The following LARGE1 variants were observed in gnomAD, a reference collection of about 807,000 sequenced individuals.
The protein encoded by LARGE1 is xylosyl- and glucuronyltransferase LARGE1.
LARGE1 carries 43 observed loss-of-function variants against 87.6 expected under a neutral mutation model. The ratio of observed to expected loss-of-function variants is 0.49; its 90% CI spans 0.38 to 0.63. LARGE1 has a LOEUF of 0.63. LARGE1 is among the 30% of genes least tolerant of loss of function. LARGE1 has a pLI of 0.00. For synonymous variants in LARGE1, 434 were observed against 394.6 expected, an observed-to-expected ratio of 1.10 and a Z score of -1.18; for missense variants, 802 against 1,000.2, an observed-to-expected ratio of 0.80 and a Z score of 2.67.
intron 2 of LARGE1, among the ~76,000 whole-genome samples, chr22:33,678,473 A>G (rs1483186497): frequency 6.6e-6 from 1 of 152,214 alleles, no homozygotes; most frequent in Non-Finnish European, 1.5e-5. Flanking sequence ...GGTGACTGAC[A>G]TCGCAAAGAA....
At chr22:33,585,071 C>T (rs1302456685) in intron 5 of LARGE1, among the ~76,000 whole-genome samples, 3 of 152,092 alleles carry the variant, frequency 2.0e-5, no homozygotes, top group African/African-American at 2.4e-5. Context: ...GAGCCGAGAT[C>T]GCACCACTGC....
At chr22:33,406,341 A>C (rs959429840) in intron 7 of LARGE1, among the ~76,000 whole-genome samples, 10 of 151,760 alleles carry the variant, frequency 6.6e-5, no homozygotes, top group African/African-American at 2.4e-4. Flanking sequence ...ATCCCTTGAG[A>C]TCCGACCCAC....
the LARGE1 span, among the ~76,000 whole-genome samples, chr22:33,130,820 C>T: frequency 6.6e-6 from 1 of 151,822 alleles, no homozygotes; most frequent in Non-Finnish European, 1.5e-5. Flanking sequence ...CCGAGGCAGG[C>T]AGATTACGAG....
intron 1 of LARGE1, among the ~76,000 whole-genome samples, chr22:33,904,504 C>T (rs566960781): frequency 6.6e-6 from 1 of 152,242 alleles, no homozygotes; most frequent in Admixed American, 6.5e-5. Context: ...TTTCCCTCAG[C>T]TACGATGGTG....
intron 2 of LARGE1, among the ~76,000 whole-genome samples, chr22:33,673,381 T>TAATTC (rs2081475134): frequency 6.6e-6 from 1 of 152,142 alleles, no homozygotes; most frequent in Admixed American, 6.5e-5. Context: ...GCACCACAGC[T>TAATTC]AATTCATCCC....
intron 6 of LARGE1, among the ~76,000 whole-genome samples, chr22:33,457,959 C>G (rs1162420134): frequency 6.6e-6 from 1 of 152,172 alleles, no homozygotes; most frequent in African/African-American, 2.4e-5. Flanking sequence ...ATCTTTTACT[C>G]TCTGAGCTTT....
At chr22:33,808,897 C>T (rs1484282391) in intron 1 of LARGE1, among the ~76,000 whole-genome samples, 2 of 152,134 alleles carry the variant, frequency 1.3e-5, no homozygotes, top group Non-Finnish European at 2.9e-5. Context: ...ATCCCAGACC[C>T]ATCTTCATCC....
At chr22:33,330,908 G>A (rs534107448) in intron 10 of LARGE1, among the ~76,000 whole-genome samples, 2 of 152,252 alleles carry the variant, frequency 1.3e-5, no homozygotes, top group Admixed American at 6.5e-5. Flanking sequence ...CTGAATTTCC[G>A]AATCAGTGGG....
chr22:33,723,349 G>A (rs1276055669), intron 2 of LARGE1, among the ~76,000 whole-genome samples: 2 of 152,172 alleles, frequency 1.3e-5, no homozygotes, highest in African/African-American at 4.8e-5. Context: ...GCAAAGGGAG[G>A]CATGCCATCT....
At chr22:33,306,719 A>G (rs1456173057) in intron 11 of LARGE1, among the ~76,000 whole-genome samples, 1 of 152,044 alleles carries the variant, frequency 6.6e-6, no homozygotes, top group Non-Finnish European at 1.5e-5. Flanking sequence ...TAAAAATACA[A>G]AAATATTAGC....
At position 33,273,865 on chromosome 22, in the gene LARGE1, C is replaced by T; in HGVS notation, c.*562G>A. 1 of 380,344 alleles carries T rather than the reference C, an allele frequency of 2.6e-6. No individual in the cohort carries two copies. The highest frequency in any genetic ancestry group is 4.6e-6 in the Non-Finnish European group (1 of 215,066). 23.6% of individuals were successfully genotyped at this position (380,344 alleles called of 1,614,324 possible). Reference sequence around the variant, plus strand: ...GGGATAAGGAAACCCATCAACCCCACCTCCAGGACCCTCTGGTTACAATGT... The same window carrying T: ...GGGATAAGGAAACCCATCAACCCCATCTCCAGGACCCTCTGGTTACAATGT... On this transcript the variant is annotated 3_prime_UTR_variant, in exon 15 of 15. Transcript: ENST00000397394.
At chr22:33,271,719 C>T (rs1928256058), downstream of LARGE1, among the ~76,000 whole-genome samples, 1 of 152,248 alleles carries the variant, frequency 6.6e-6, no homozygotes, top group Non-Finnish European at 1.5e-5. Flanking sequence ...TGGCAGTGAA[C>T]TGCTGCTCCC....
the LARGE1 span, among the ~76,000 whole-genome samples, chr22:33,099,493 C>T: frequency 1.3e-5 from 2 of 152,268 alleles, no homozygotes; most frequent in South Asian, 4.1e-4. Context: ...CTCAGGTGAT[C>T]TACCTGCCTT....
intron 7 of LARGE1, among the ~76,000 whole-genome samples, chr22:33,395,837 TA>T (rs1489529405): frequency 1.3e-5 from 2 of 152,224 alleles, no homozygotes; most frequent in African/African-American, 4.8e-5. Flanking sequence ...CTAAATAAGT[TA>T]AATAAGTGTA....
rs2146572318 is a variant in LARGE1, at chr22:33,337,797, A to C, written c.1136T>G (p.Ile379Ser). Reference protein sequence around the residue: ...CYRDVSDLKVIHWNSPKKLRV... With the variant: ...CYRDVSDLKVSHWNSPKKLRV... ...GAGCTTCTTGGGGGAGTTCCAGTGA[A>C]TGACCTGGCAGGGAGATAAGGAAGT... The change falls in exon 10 of 15, where the codon ATT becomes AGT. Residue 379 changes from isoleucine (I) to serine (S), a missense_variant. This residue lies in a region of LARGE1 where 625 missense variants were observed against 841.9 expected (regional missense o/e 0.74). Coordinates refer to ENST00000397394, the MANE Select transcript of LARGE1 (RefSeq NM_133642.5). 6.2e-7 allele frequency: 1 copy of C among 1,614,182 alleles called. No individual in the cohort carries two copies. The highest frequency in any genetic ancestry group is 2.2e-5 in the East Asian group (1 of 44,868).
At chr22:33,421,771 G>C (rs893935214) in intron 7 of LARGE1, among the ~76,000 whole-genome samples, 2 of 152,164 alleles carry the variant, frequency 1.3e-5, no homozygotes, top group African/African-American at 4.8e-5. Context: ...AGGAAACCAG[G>C]GTGCCAGGAC....
At chr22:33,505,404 T>C (rs772784028) in intron 6 of LARGE1, among the ~76,000 whole-genome samples, 7 of 152,172 alleles carry the variant, frequency 4.6e-5, no homozygotes, top group African/African-American at 7.2e-5. Flanking sequence ...TGGGCTTTAC[T>C]AATCCTCTGC....
chr22:33,921,823 C>T (rs900055544), upstream of LARGE1, among the ~76,000 whole-genome samples: 9 of 151,950 alleles, frequency 5.9e-5, no homozygotes, highest in Non-Finnish European at 1.0e-4. The surrounding 1 kb of genome is among the most constrained non-coding windows in gnomAD (Gnocchi z 4.1). Flanking sequence ...AGAGTCCTCC[C>T]GAGCCACAGG....
intron 5 of LARGE1, among the ~76,000 whole-genome samples, chr22:33,577,611 A>G (rs899025464): frequency 2.0e-5 from 3 of 152,244 alleles, no homozygotes; most frequent in Non-Finnish European, 4.4e-5. Flanking sequence ...GGCTGCAATT[A>G]AAGAAGCCCC....
Sources: allele counts gnomAD v4.1 joint callset (sites outside exome capture counted in the v4.1 genomes callset), GRCh38; gene constraint gnomAD v4.1.1; regional missense constraint gnomAD v4.1.1; non-coding constraint Gnocchi (gnomAD v3.1); transcripts MANE v1.5; gene names NCBI Gene and HGNC (gene_info 2026-07-23, HGNC 2026-07-21).